Variants in MAD1L1 observed in about 807,000 individuals in gnomAD.
MAD1L1 encodes the protein mitotic spindle assembly checkpoint protein MAD1.
In MAD1L1, 95 loss-of-function variants were observed where a neutral mutation model predicts 96.9. That is an observed-to-expected ratio of 0.98 (90% CI 0.83 to 1.16). The LOEUF is 1.16. MAD1L1 is among the 50% of genes most tolerant of loss of function. The pLI is 0.00. For missense variants in MAD1L1, 1,007 were observed against 954.4 expected (o/e 1.06, Z -0.73); for synonymous variants, 473 against 396.6 (o/e 1.19, Z -2.29).
chr7:1,888,017 G>A (rs1786244255), intron 18 of MAD1L1, among the ~76,000 whole-genome samples: 1 of 150,146 alleles, frequency 6.7e-6, no homozygotes, highest in African/African-American at 2.5e-5. Flanking sequence ...CTGTACGTGT[G>A]TGTGCATGCG....
intron 11 of MAD1L1, among the ~76,000 whole-genome samples, chr7:2,082,018 C>T (rs1180804037): frequency 2.0e-5 from 3 of 152,204 alleles, no homozygotes; most frequent in Non-Finnish European, 4.4e-5. Flanking sequence ...AAGATAGAGA[C>T]TCTGAAGTCT....
intron 11 of MAD1L1, chr7:2,079,758 C>G (rs116631005): frequency 4.2e-6 from 2 of 470,872 alleles, no homozygotes; most frequent in Middle Eastern, 3.2e-4. Context: ...CAAGCACGGC[C>G]GCAGGGAGAC....
At chr7:2,063,746 C>T (rs948695222) in intron 12 of MAD1L1, among the ~76,000 whole-genome samples, 1 of 152,272 alleles carries the variant, frequency 6.6e-6, no homozygotes, top group African/African-American at 2.4e-5. Flanking sequence ...GTGGGCACCA[C>T]ACCCGCCTTT....
intron 12 of MAD1L1, among the ~76,000 whole-genome samples, chr7:2,051,821 C>G (rs1355632466): frequency 6.6e-6 from 1 of 151,488 alleles, no homozygotes. Context: ...CCATCCCCCA[C>G]CAGCTGCCTG....
chr7:2,013,016 T>C (rs2128497568), intron 13 of MAD1L1, among the ~76,000 whole-genome samples: 2 of 152,336 alleles, frequency 1.3e-5, no homozygotes, highest in South Asian at 4.1e-4. Context: ...TACAATCCTT[T>C]CTCCAGAAAT....
At chr7:2,003,687 G>A (rs1052103020) in intron 13 of MAD1L1, among the ~76,000 whole-genome samples, 3 of 152,196 alleles carry the variant, frequency 2.0e-5, no homozygotes, top group Non-Finnish European at 4.4e-5. Flanking sequence ...GCCTGTGGAT[G>A]AGGGGAAGGC....
At chr7:2,111,345 T>C (rs1787369777) in intron 11 of MAD1L1, among the ~76,000 whole-genome samples, 1 of 152,144 alleles carries the variant, frequency 6.6e-6, no homozygotes, top group South Asian at 2.1e-4. Context: ...CGTGGAAGCC[T>C]CCCAGGCGGC....
chr7:2,041,758 A>G (rs1783683449), intron 12 of MAD1L1, among the ~76,000 whole-genome samples: 1 of 152,230 alleles, frequency 6.6e-6, no homozygotes, highest in Non-Finnish European at 1.5e-5. Context: ...TCTTTGCCCG[A>G]GAGGAGTAGA....
At chr7:2,192,999 G>A (rs1346469198) in intron 10 of MAD1L1, among the ~76,000 whole-genome samples, 1 of 152,188 alleles carries the variant, frequency 6.6e-6, no homozygotes, top group African/African-American at 2.4e-5. Flanking sequence ...TTTGGCAAGG[G>A]TTGTCAGTAA....
chr7:1,909,569 G>A (rs913515924), intron 17 of MAD1L1, among the ~76,000 whole-genome samples: 3 of 152,112 alleles, frequency 2.0e-5, no homozygotes, highest in South Asian at 4.1e-4. Context: ...GGGACCCCCC[G>A]GGATGTCACC....
At chr7:1,978,058 G>C (rs748163573) in intron 15 of MAD1L1, among the ~76,000 whole-genome samples, 25 of 152,240 alleles carry the variant, frequency 1.6e-4, no homozygotes, top group Non-Finnish European at 3.4e-4. Context: ...ATGCGCTGCT[G>C]TGCACGGCCT....
chr7:1,826,148 C>A (rs1782382013), intron 18 of MAD1L1, among the ~76,000 whole-genome samples: 1 of 152,182 alleles, frequency 6.6e-6, no homozygotes, highest in South Asian at 2.1e-4. Context: ...TCCTGGCAGC[C>A]TCACAACTCA....
intron 11 of MAD1L1, among the ~76,000 whole-genome samples, chr7:2,137,100 C>A (rs1277988627): frequency 6.6e-6 from 1 of 152,170 alleles, no homozygotes; most frequent in African/African-American, 2.4e-5. Context: ...GTGGGCTGCT[C>A]TCCTGGGGTT....
intron 5 of MAD1L1, 146 bp downstream of exon 5, chr7:2,222,429 T>C (rs1793656965): frequency 1.6e-6 from 1 of 619,946 alleles, no homozygotes; most frequent in African/African-American, 1.9e-5. Flanking sequence ...AATTAATACT[T>C]CTACTGATGA....
intron 18 of MAD1L1, among the ~76,000 whole-genome samples, chr7:1,865,900 T>A (rs1583594287): frequency 6.6e-6 from 1 of 152,320 alleles, no homozygotes; most frequent in South Asian, 2.1e-4. Flanking sequence ...AGTGAGCCAC[T>A]GGGCCCTCGG....
intron 10 of MAD1L1, among the ~76,000 whole-genome samples, chr7:2,153,011 T>A (rs1437225111): frequency 6.6e-6 from 1 of 152,088 alleles, no homozygotes; most frequent in African/African-American, 2.4e-5. Flanking sequence ...CAAAAGAAAA[T>A]GTGTTCCCCA....
At chr7:1,974,230 T>A (rs1183604578) in intron 15 of MAD1L1, among the ~76,000 whole-genome samples, 2 of 152,052 alleles carry the variant, frequency 1.3e-5, no homozygotes, top group Non-Finnish European at 2.9e-5. Flanking sequence ...CAGAGGCCCC[T>A]CCCAAGGGCT....
At position 2,042,301 on chromosome 7, in the gene MAD1L1, G is replaced by A. The variant is rs1344208971; in HGVS notation, c.1218+26893C>T. Reference sequence around the variant, plus strand: ...CACGCGCACATGGACACAGACACACGCAGATGTGCACAGACACACAGGCAC... The same window carrying A: ...CACGCGCACATGGACACAGACACACACAGATGTGCACAGACACACAGGCAC... On this transcript the variant is annotated intron_variant, in intron 12 of 18. Transcript: ENST00000265854. Among the ~76,000 whole-genome samples the A allele has an allele frequency of 2.7e-5, 4 of 150,768 alleles. No homozygotes were observed. The East Asian group carries it at 5.9e-4, about 22-fold the overall frequency.
At chr7:2,161,561 C>T (rs1018071745) in intron 10 of MAD1L1, among the ~76,000 whole-genome samples, 1 of 152,102 alleles carries the variant, frequency 6.6e-6, no homozygotes, top group Admixed American at 6.5e-5. Flanking sequence ...TCTGACCGGC[C>T]GCCCATCGTG....
Sources: gnomAD v4.1 joint callset for allele counts (sites outside exome capture counted in the v4.1 genomes callset) on GRCh38, gnomAD v4.1.1 for gene constraint, MANE v1.5 for transcripts, NCBI Gene and HGNC (gene_info 2026-07-23, HGNC 2026-07-21) for gene names.